The following SYT10 variants were observed in gnomAD, a reference collection of about 807,000 sequenced individuals.
SYT10 encodes the protein synaptotagmin-10.
A neutral mutation model predicts 51.1 loss-of-function variants in SYT10; 31 were observed. The observed-to-expected ratio is 0.61, with a 90% CI of 0.46 to 0.82. The LOEUF (loss-of-function observed/expected upper bound fraction) is 0.82. Among genes scored for constraint, SYT10 ranks in the 40% least tolerant of loss-of-function variants. The pLI, the probability that SYT10 is intolerant of heterozygous loss-of-function variation, is 0.00. For synonymous variants in SYT10, 233 were observed against 225.9 expected (o/e 1.03, Z -0.28); for missense variants, 603 against 634.0 (o/e 0.95, Z 0.53).
chr12:33,384,219 C>A (rs1866139299), intron 4 of SYT10, among the ~76,000 whole-genome samples: 2 of 152,038 alleles, frequency 1.3e-5, no homozygotes, highest in Admixed American at 1.3e-4. Context: ...AATACATATT[C>A]CAAATTTCCC....
intron 4 of SYT10, 92 bp downstream of exon 4, chr12:33,385,079 G>A (rs2138387361): frequency 6.9e-7 from 1 of 1,455,072 alleles, no homozygotes; most frequent in Non-Finnish European, 9.3e-7. Flanking sequence ...CCCATTATAG[G>A]CAAATAATTC....
rs184831007 is a variant in SYT10, at chr12:33,418,837, C to T, written c.509+7301G>A. Reference sequence around the variant, plus strand: ...CTTTCTGCTTCTATCCATGTGCCTTCCTCAATGTCTATTTTCAATACAGCA... The same window carrying T: ...CTTTCTGCTTCTATCCATGTGCCTTTCTCAATGTCTATTTTCAATACAGCA... On this transcript the variant is annotated intron_variant, in intron 2 of 6. Transcript: ENST00000228567. Among the ~76,000 whole-genome samples the T allele has an allele frequency of 4.6e-5, 7 of 152,264 alleles. No individual in the cohort carries two copies. The East Asian group carries it at 1.4e-3, about 29-fold the overall frequency.
chr12:33,382,481 C>G lies in SYT10; in HGVS notation c.1238G>C (p.Arg413Thr), dbSNP rs749392898. The G allele has an allele frequency of 6.2e-7, 1 of 1,612,834 alleles. No individual in the cohort carries two copies. The highest frequency in any genetic ancestry group is 8.5e-7 in the Non-Finnish European group (1 of 1,179,330). The change falls in exon 5 of 7, where the codon AGA becomes ACA. Residue 413 changes from arginine (R) to threonine (T), a missense_variant. Physicochemically the swap from Arg to Thr is moderately conservative, Grantham distance 71. Transcript: ENST00000228567. ...VKVSLMCEGR[R>T]LKKRKTTTKK... The stretch of plus-strand genomic sequence containing the variant: ...TGTAGTTGTTTTCCTCTTTTTTAAT[C>G]TTCGACCTTCACACATCAGGGACAC...
intron 2 of SYT10, among the ~76,000 whole-genome samples, chr12:33,421,484 A>T (rs970211621): frequency 1.3e-5 from 2 of 152,200 alleles, no homozygotes; most frequent in Non-Finnish European, 2.9e-5. Context: ...CATCTGTGAG[A>T]ATACTATCAT....
intron 2 of SYT10, 56 bp from the exon 3 acceptor site, chr12:33,407,412 G>C (rs1866367636): frequency 6.4e-7 from 1 of 1,552,442 alleles, no homozygotes; most frequent in Non-Finnish European, 8.7e-7. Context: ...TGATGAGAAT[G>C]TTATACAGTG....
In SYT10 at chr12:33,426,302, T is replaced by G. The variant is rs761260104; in HGVS notation, c.345A>C (p.Glu115Asp). Residue 115 changes from glutamate (E) to aspartate (D), a missense_variant, in exon 2 of 7, where the codon GAA (glutamate) becomes GAC (aspartate). Coordinates refer to ENST00000228567, the MANE Select transcript of SYT10 (RefSeq NM_198992.4). ...TEVFETEEKK[E>D]IKENEKPAVK... ...CGGCTGGCTTTTCATTTTCCTTAAT[T>G]TCTTTTTTCTCTTCAGTCTCAAAAA... 6.2e-7 allele frequency: 1 copy of G among 1,614,092 alleles called. No homozygotes were observed. The highest frequency in any genetic ancestry group is 1.1e-5 in the South Asian group (1 of 91,078).
intron 2 of SYT10, among the ~76,000 whole-genome samples, chr12:33,419,041 C>T (rs1866478258): frequency 6.6e-6 from 1 of 152,222 alleles, no homozygotes; most frequent in African/African-American, 2.4e-5. Context: ...AGGGCCTTTG[C>T]AGTGCCTGCC....
chr12:33,434,796 C>A (rs548168895), intron 1 of SYT10, among the ~76,000 whole-genome samples: 1 of 151,994 alleles, frequency 6.6e-6, no homozygotes, highest in African/African-American at 2.4e-5. Flanking sequence ...CAACAGTGAA[C>A]CTCCATCTCA....
chr12:33,414,215 A>T (rs1475725857), intron 2 of SYT10, among the ~76,000 whole-genome samples: 1 of 152,138 alleles, frequency 6.6e-6, no homozygotes, highest in Non-Finnish European at 1.5e-5. Flanking sequence ...AGAGACTTAG[A>T]CTCCCCCACA....
At chr12:33,426,569 C>T in intron 1 of SYT10, 74 bp from the exon 2 acceptor site, 1 of 1,224,826 alleles carries the variant, frequency 8.2e-7, no homozygotes, top group Non-Finnish European at 1.1e-6. Flanking sequence ...GAATATTTTA[C>T]ATCATAATTG....
intron 1 of SYT10, among the ~76,000 whole-genome samples, chr12:33,437,029 G>C (rs1866643125): frequency 6.6e-6 from 1 of 152,274 alleles, no homozygotes. Context: ...GTGACGCTGG[G>C]TGGCTAAGAA....
intron 3 of SYT10, chr12:33,405,814 T>G (rs1263286670): frequency 1.3e-5 from 2 of 151,666 alleles, no homozygotes; most frequent in East Asian, 3.9e-4. Context: ...AAGAGATCAC[T>G]TCTCTAATTC....
At chr12:33,439,133 A>G (rs550841208) in intron 1 of SYT10, among the ~76,000 whole-genome samples, 2 of 152,148 alleles carry the variant, frequency 1.3e-5, no homozygotes, top group South Asian at 4.1e-4. Context: ...CGGCGCCGGG[A>G]GGCGGGAAGC....
chr12:33,401,026 C>CAA lies in SYT10; in HGVS notation c.1077+5761_1077+5762dup, dbSNP rs34168304. On this transcript the variant is annotated intron_variant, in intron 3 of 6. Coordinates refer to ENST00000228567, the MANE Select transcript of SYT10 (RefSeq NM_198992.4). ...TGAGGGATAGAGTGAGATTCTGTCT[C>CAA]AAAAAAAAAAAAAATAGTCTTTATA... 2.2e-3 allele frequency among the ~76,000 whole-genome samples: 295 copies of CAA among 133,448 alleles called. 1 individual carries two copies. Among genetic ancestry groups the CAA allele is most frequent in the Middle Eastern group, 0.013 (3 of 236 alleles). The allele number at this position is 133,448 out of a possible 152,430, so 87.5% of individuals were successfully genotyped here. A position where few individuals can be genotyped will look rare whatever the true frequency, so the allele number is the denominator to read the frequency against.
intron 1 of SYT10, among the ~76,000 whole-genome samples, chr12:33,428,831 G>T (rs551653115): frequency 2.1e-4 from 32 of 151,984 alleles, no homozygotes; most frequent in South Asian, 8.3e-4. Flanking sequence ...GCGTGAGCCC[G>T]GGACGTGGAG....
At chr12:33,417,959 A>T (rs1866469368) in intron 2 of SYT10, among the ~76,000 whole-genome samples, 1 of 152,190 alleles carries the variant, frequency 6.6e-6, no homozygotes, top group Non-Finnish European at 1.5e-5. Flanking sequence ...TGTAAAGTTA[A>T]AAGAACTTGC....
In SYT10 at chr12:33,411,802, T is replaced by A. The variant is rs528346717; in HGVS notation, c.510-4446A>T. Among the ~76,000 whole-genome samples the A allele has an allele frequency of 2.6e-5, 4 of 152,274 alleles. No individual in the cohort carries two copies. The South Asian group carries it at 8.3e-4, about 32-fold the overall frequency. On this transcript the variant is annotated intron_variant, in intron 2 of 6. Coordinates refer to ENST00000228567, the MANE Select transcript of SYT10 (RefSeq NM_198992.4). Reference sequence around the variant, plus strand: ...AATGCATTAGGCATGACATGAAATGTATTTTGACCTCGAATCTACCCCAGA... The same window carrying A: ...AATGCATTAGGCATGACATGAAATGAATTTTGACCTCGAATCTACCCCAGA...
rs1223807229 is a variant in SYT10, at chr12:33,407,347, G to T, written c.519C>A (p.Ser173=). 2.5e-6 allele frequency: 4 copies of T among 1,603,386 alleles called. No homozygotes were observed. The highest frequency in any genetic ancestry group is 3.4e-6 in the Non-Finnish European group (4 of 1,179,908). The part of the protein sequence containing the change: ...TEPTSSTRHS[S]FRRHLPRQMQ... ...TTTGCCTCGGCAGGTGTCTTCGGAA[G>T]GAACTGTGGCTGAACACACACACAT... Residue 173 remains serine, a synonymous_variant, in exon 3 of 7, where the codon TCC becomes TCA. Transcript: ENST00000228567.
intron 3 of SYT10, among the ~76,000 whole-genome samples, chr12:33,390,391 C>T (rs1461180395): frequency 2.0e-5 from 3 of 152,030 alleles, no homozygotes; most frequent in African/African-American, 2.4e-5. Context: ...TCTTCTGGCT[C>T]GCTAAAATTC....
Sources: gnomAD v4.1 joint callset for allele counts (sites outside exome capture counted in the v4.1 genomes callset) on GRCh38, gnomAD v4.1.1 for gene constraint, MANE v1.5 for transcripts, NCBI Gene and HGNC (gene_info 2026-07-23, HGNC 2026-07-21) for gene names.